Variants in MEP1A observed in about 807,000 individuals in gnomAD.
MEP1A encodes the protein N-benzoyl-L-tyrosyl-P-amino-benzoic acid hydrolase subunit alpha.
In MEP1A, 68 loss-of-function variants were observed where a neutral mutation model predicts 84.5. The ratio of observed to expected loss-of-function variants is 0.80; its 90% CI spans 0.66 to 0.98. MEP1A has a LOEUF of 0.98. Among genes scored for constraint, MEP1A ranks in the 50% least tolerant of loss-of-function variants. The pLI, the probability that MEP1A is intolerant of heterozygous loss-of-function variation, is 0.00. For missense variants in MEP1A, 887 were observed against 919.9 expected, an observed-to-expected ratio of 0.96 and a Z score of 0.46; for synonymous variants, 337 against 336.8, an observed-to-expected ratio of 1.00 and a Z score of -0.01.
chr6:46,826,474 TG>T lies in MEP1A; in HGVS notation c.901del (p.Asp301IlefsTer50). 1 of 1,595,446 alleles carries T rather than the reference TG, an allele frequency of 6.3e-7. No individual in the cohort carries two copies. Among genetic ancestry groups the T allele is most frequent in the Admixed American group, 1.7e-5 (1 of 57,718 alleles). ...AHQDSAQAGE[V>X]DHTLLGQCTG... ...CAGGACAGTGCTCAGGCTGGAGAAG[TG>T]GATCACACCTTGTTGGGACAATGCA... On this transcript the variant is annotated frameshift_variant, in exon 9 of 14. Transcript: ENST00000230588. LOFTEE classifies it high-confidence loss of function.
At chr6:46,813,946 T>A (rs1278130116) in intron 6 of MEP1A, among the ~76,000 whole-genome samples, 1 of 152,192 alleles carries the variant, frequency 6.6e-6, no homozygotes, top group African/African-American at 2.4e-5. Context: ...TTTTCCTTTA[T>A]GAGTTACCTG....
intron 5 of MEP1A, among the ~76,000 whole-genome samples, chr6:46,801,023 T>C (rs1452847631): frequency 6.6e-6 from 1 of 152,220 alleles, no homozygotes; most frequent in Non-Finnish European, 1.5e-5. Flanking sequence ...GTAATATTTC[T>C]TTGTAATACT....
intron 3 of MEP1A, among the ~76,000 whole-genome samples, chr6:46,795,334 T>C: frequency 6.6e-6 from 1 of 152,176 alleles, no homozygotes; most frequent in East Asian, 1.9e-4. Flanking sequence ...GGAGTGTTGC[T>C]ATGTCACCCA....
chr6:46,821,538 C>T (rs1767776075), intron 7 of MEP1A, among the ~76,000 whole-genome samples: 2 of 152,300 alleles, frequency 1.3e-5, no homozygotes, highest in South Asian at 4.1e-4. Context: ...GATTGCACTA[C>T]TCAGGGGACT....
intron 8 of MEP1A, 69 bp from the exon 9 acceptor site, chr6:46,826,285 C>T: frequency 7.0e-7 from 1 of 1,423,350 alleles, no homozygotes; most frequent in Non-Finnish European, 9.5e-7. Context: ...GTTTTAGTGG[C>T]TTAAGACATT....
intron 12 of MEP1A, 118 bp from the exon 13 acceptor site, chr6:46,835,131 C>T: frequency 1.1e-6 from 1 of 879,050 alleles, no homozygotes; most frequent in Non-Finnish European, 1.7e-6. Context: ...GCCACTTTTC[C>T]ATGTCACTAG....
intron 9 of MEP1A, 151 bp downstream of exon 9, chr6:46,826,654 T>G (rs1317617748): frequency 3.2e-6 from 2 of 632,644 alleles, no homozygotes; most frequent in Admixed American, 4.1e-5. Context: ...TCTTCATTAT[T>G]AACTCAGTAA....
At chr6:46,837,826 C>T (rs1768247760) in intron 13 of MEP1A, among the ~76,000 whole-genome samples, 1 of 151,906 alleles carries the variant, frequency 6.6e-6, no homozygotes, top group Admixed American at 6.6e-5. Context: ...GAAGTCAATT[C>T]TCAGGATAGA....
intron 9 of MEP1A, 143 bp from the exon 10 acceptor site, chr6:46,829,213 T>G: frequency 1.5e-6 from 1 of 662,044 alleles, no homozygotes; most frequent in Non-Finnish European, 2.6e-6. Context: ...CTGACAAATG[T>G]CCTTCTTTTT....
chr6:46,828,845 A>G (rs1489694100), intron 9 of MEP1A, among the ~76,000 whole-genome samples: 2 of 152,122 alleles, frequency 1.3e-5, no homozygotes, highest in Non-Finnish European at 1.5e-5. Context: ...AATATAGTAA[A>G]GATTACTTTT....
chr6:46,796,174 A>G lies in MEP1A; in HGVS notation c.146-2432A>G, dbSNP rs575824410. Among the ~76,000 whole-genome samples the G allele has an allele frequency of 2.6e-3, 394 of 152,292 alleles. 1 individual carries two copies. The highest frequency in any genetic ancestry group is 9.2e-3 in the African/African-American group (384 of 41,550). ...AATGAACATTCTCAGGCCTCACCCC[A>G]GACTTAATGGACCAGAAATCCAACG... On this transcript the variant is annotated intron_variant, in intron 3 of 13. Coordinates refer to ENST00000230588, the MANE Select transcript of MEP1A (RefSeq NM_005588.3).
chr6:46,819,098 A>G (rs1767706866), intron 6 of MEP1A, among the ~76,000 whole-genome samples: 1 of 152,194 alleles, frequency 6.6e-6, no homozygotes, highest in African/African-American at 2.4e-5. Context: ...AACCTGAGTG[A>G]TAAAGTGAGA....
intron 13 of MEP1A, among the ~76,000 whole-genome samples, chr6:46,838,565 T>TG (rs1562119779): frequency 6.6e-6 from 1 of 152,178 alleles, no homozygotes; most frequent in Admixed American, 6.5e-5. Context: ...GGTCTATATC[T>TG]GGGGAATTTC....
chr6:46,803,489 G>A (rs996974318), intron 5 of MEP1A, among the ~76,000 whole-genome samples: 49 of 151,148 alleles, frequency 3.2e-4, no homozygotes, highest in African/African-American at 1.1e-3. Flanking sequence ...TTCTTGACAT[G>A]TCCTGCCAGG....
chr6:46,807,828 AAAGAAAGAAAGGAAGAAAGG>A (rs1175869859), intron 5 of MEP1A, among the ~76,000 whole-genome samples: 3 of 140,316 alleles, frequency 2.1e-5, no homozygotes, highest in Non-Finnish European at 4.8e-5. Flanking sequence ...AGAAAGAAAG[AAAGAAAGAAAGGAAGAAAGG>A]AAATAAATCA....
At chr6:46,843,691 T>C (rs1455647687), downstream of MEP1A, among the ~76,000 whole-genome samples, 1 of 152,208 alleles carries the variant, frequency 6.6e-6, no homozygotes, top group African/African-American at 2.4e-5. Flanking sequence ...CTGTATACAG[T>C]GTATTTCCTA....
rs757197749 is a variant in MEP1A at position 46,825,416 on chromosome 6, A to G, written c.701A>G (p.Glu234Gly). 6.2e-7 allele frequency: 1 copy of G among 1,613,890 alleles called. No homozygotes were observed. Among genetic ancestry groups the G allele is most frequent in the Non-Finnish European group, 8.5e-7 (1 of 1,179,870 alleles). Residue 234 changes from glutamate (E) to glycine (G), a missense_variant, in exon 8 of 14, where the codon GAG becomes GGG. Glu to Gly is a moderately conservative substitution (Grantham distance 98). Transcript: ENST00000230588. ...CCCACCATCACAGCCAAGATCCCTG[A>G]GTTTAACTCCATTATCGGACAGCGC... The part of the protein sequence containing the change: ...SVPTITAKIP[E>G]FNSIIGQRLD...
In MEP1A at chr6:46,793,651, T is replaced by TC. The variant is rs756263326; in HGVS notation, c.95-14dup. On this transcript the variant is annotated splice_polypyrimidine_tract_variant and intron_variant, in intron 2 of 13. Coordinates refer to ENST00000230588, the MANE Select transcript of MEP1A (RefSeq NM_005588.3). ...CGGCAAGACTAATAATAATTTTTTT[T>TC]CTCACTTTTAACAGTACATGATGCA... The TC allele has an allele frequency of 4.4e-6, 7 of 1,601,180 alleles. No individual in the cohort carries two copies. In the South Asian group the frequency reaches 6.8e-5, roughly 15 times the overall value.
At chr6:46,837,445 T>C (rs1189685792) in intron 13 of MEP1A, among the ~76,000 whole-genome samples, 1 of 152,204 alleles carries the variant, frequency 6.6e-6, no homozygotes. Context: ...ATCTTTAATT[T>C]TTCCTGCCCC....
Sources: allele counts gnomAD v4.1 joint callset (sites outside exome capture counted in the v4.1 genomes callset), GRCh38; gene constraint gnomAD v4.1.1; transcripts MANE v1.5; gene names NCBI Gene and HGNC (gene_info 2026-07-23, HGNC 2026-07-21).